Variants in INSYN1 observed in about 807,000 individuals in gnomAD.
INSYN1 encodes UPF0583 protein C15orf59.
INSYN1 carries 7 observed loss-of-function variants against 17.1 expected under a neutral mutation model. The observed-to-expected ratio is 0.41, with a 90% CI of 0.23 to 0.77. INSYN1 has a LOEUF of 0.77. Ranked by LOEUF, INSYN1 falls within the 30% of genes least tolerant of loss-of-function variation. The pLI, the probability that INSYN1 is intolerant of heterozygous loss-of-function variation, is 0.32. For missense variants in INSYN1, 339 were observed against 400.6 expected (o/e 0.85, Z 1.31); for synonymous variants, 174 against 166.3 (o/e 1.05, Z -0.36).
intron 2 of INSYN1, among the ~76,000 whole-genome samples, chr15:73,744,474 A>G (rs1215317406): frequency 2.6e-5 from 4 of 152,154 alleles, no homozygotes; most frequent in Admixed American, 2.6e-4. Flanking sequence ...AGGATGTGAA[A>G]GGGAAGCCAT....
rs1567038766 is a variant in INSYN1, at chr15:73,753,347, G to C, written c.-1805C>G. Among the ~76,000 whole-genome samples, 1 of 151,520 alleles carries C rather than the reference G, an allele frequency of 6.6e-6. No individual in the cohort carries two copies. On this transcript the variant is annotated 5_prime_UTR_variant, in exon 1 of 3. Transcript: ENST00000569673. The surrounding 1 kb of genome is among the most constrained non-coding windows in gnomAD (Gnocchi z 4.2). ...GCTTGCCTCGGCGCTGTCAGGGAAG[G>C]GGCCGGCCCGCCGCGCCGGGAGGGA...
intron 2 of INSYN1, among the ~76,000 whole-genome samples, chr15:73,748,691 A>C (rs1008650664): frequency 5.3e-5 from 8 of 152,130 alleles, no homozygotes; most frequent in African/African-American, 1.9e-4. Flanking sequence ...GGGGTCTGGC[A>C]CCCCCCCTTG....
chr15:73,740,750 T>A, intron 2 of INSYN1, 108 bp from the exon 3 acceptor site: 1 of 920,630 alleles, frequency 1.1e-6, no homozygotes, highest in Non-Finnish European at 1.7e-6. Flanking sequence ...CTGATGAGCG[T>A]ACTGGACAGG....
chr15:73,742,284 G>A (rs1217779065), intron 2 of INSYN1, among the ~76,000 whole-genome samples: 3 of 152,188 alleles, frequency 2.0e-5, no homozygotes, highest in Non-Finnish European at 4.4e-5. Flanking sequence ...TCTTTTGGAA[G>A]ATCACAGAAC....
intron 2 of INSYN1, among the ~76,000 whole-genome samples, chr15:73,748,235 T>C (rs1901887881): frequency 1.3e-5 from 2 of 152,202 alleles, no homozygotes; most frequent in African/African-American, 4.8e-5. Flanking sequence ...TCAGGCCATA[T>C]GCTCGAGAGG....
rs1288291647 is a variant in INSYN1, at chr15:73,739,037, C to T, written c.*880G>A. ...TGGGCTCCTTTCCAAGGCTGCCCAC[C>T]TGGTGAAGGTGGCCAGGAGCCTGTC... On this transcript the variant is annotated 3_prime_UTR_variant, in exon 3 of 3. Transcript: ENST00000569673. The T allele has an allele frequency of 6.6e-6, 1 of 152,296 alleles. No homozygotes were observed. The highest frequency in any genetic ancestry group is 2.4e-5 in the African/African-American group (1 of 41,454). The allele number at this position is 152,296 out of a possible 1,614,324, so 9.4% of individuals were successfully genotyped here.
chr15:73,750,301 C>G (rs1030793655), intron 2 of INSYN1, among the ~76,000 whole-genome samples: 3 of 152,230 alleles, frequency 2.0e-5, no homozygotes, highest in Non-Finnish European at 4.4e-5. Context: ...CAGCATTTCT[C>G]AGTGGCTTTT....
At chr15:73,742,582 C>T (rs1469938487) in intron 2 of INSYN1, among the ~76,000 whole-genome samples, 3 of 152,210 alleles carry the variant, frequency 2.0e-5, no homozygotes, top group Admixed American at 6.5e-5. Context: ...TGAGAATCTC[C>T]CCCTGCGGCC....
In INSYN1 at chr15:73,740,105, T is replaced by C; in HGVS notation, c.694A>G (p.Lys232Glu). The C allele has an allele frequency of 1.2e-6, 2 of 1,613,534 alleles. No individual in the cohort carries two copies. Among genetic ancestry groups the C allele is most frequent in the Non-Finnish European group, 1.7e-6 (2 of 1,179,852 alleles). ...AHTEAHAGPHKPSPAPYKSRR... is the reference protein window; with the variant it reads ...AHTEAHAGPHEPSPAPYKSRR... ...GACTTGTAGGGGGCTGGGGAGGGCT[T>C]GTGGGGGCCTGCATGGGCCTCTGTA... The change falls in exon 3 of 3, where the codon AAG (lysine) becomes GAG (glutamate). Residue 232 changes from lysine to glutamate, a missense_variant. Lys to Glu is a moderately conservative substitution (Grantham distance 56). Transcript: ENST00000569673.
chr15:73,739,380 G>C lies in INSYN1; in HGVS notation c.*537C>G, dbSNP rs1901613776. On this transcript the variant is annotated 3_prime_UTR_variant, in exon 3 of 3. Coordinates refer to ENST00000569673, the MANE Select transcript of INSYN1 (RefSeq NM_001039614.3). ...AGATGGAAGGGGGTGAGGCAGGACTGTGTATAGCCGAGTAAGTCTGCCTTG... is the reference window on the plus strand; with the variant it reads ...AGATGGAAGGGGGTGAGGCAGGACTCTGTATAGCCGAGTAAGTCTGCCTTG... The C allele has an allele frequency of 6.6e-6, 1 of 152,344 alleles. No homozygotes were observed. The highest frequency in any genetic ancestry group is 1.5e-5 in the Non-Finnish European group (1 of 68,106). 9.4% of individuals were successfully genotyped at this position (152,344 alleles called of 1,614,324 possible).
At chr15:73,741,607 A>G (rs1050743927) in intron 2 of INSYN1, among the ~76,000 whole-genome samples, 1 of 152,168 alleles carries the variant, frequency 6.6e-6, no homozygotes, top group African/African-American at 2.4e-5. Context: ...GGGATGGGAC[A>G]GGGCAAGAGA....
chr15:73,743,301 C>T (rs1305407173), intron 2 of INSYN1, among the ~76,000 whole-genome samples: 1 of 152,220 alleles, frequency 6.6e-6, no homozygotes, highest in Non-Finnish European at 1.5e-5. Context: ...CTGGAACACT[C>T]CCCCAACCCA....
chr15:73,736,261 T>C lies in INSYN1; in HGVS notation c.*3656A>G, dbSNP rs1394240160. ...GTGTTGAAAGTCAGAATTCTCTCTA[T>C]CCCTAGCTGGCCACATTTTGTGTTT... On this transcript the variant is annotated 3_prime_UTR_variant, in exon 3 of 3. Transcript: ENST00000569673. 1.3e-5 allele frequency: 2 copies of C among 152,278 alleles called. No individual in the cohort carries two copies. Among genetic ancestry groups the C allele is most frequent in the Non-Finnish European group, 2.9e-5 (2 of 68,100 alleles). The allele number at this position is 152,278 out of a possible 1,614,324, so 9.4% of individuals were successfully genotyped here. A position where few individuals can be genotyped will look rare whatever the true frequency, so the allele number is the denominator to read the frequency against.
rs530836083 is a variant in INSYN1 at position 73,735,697 on chromosome 15, T to C, written c.*4220A>G. The C allele has an allele frequency of 6.6e-6, 1 of 152,300 alleles. No individual in the cohort carries two copies. Among genetic ancestry groups the C allele is most frequent in the African/African-American group, 2.4e-5 (1 of 41,562 alleles). The allele number at this position is 152,300 out of a possible 1,614,324, so 9.4% of individuals were successfully genotyped here. ...CCAGGCATTTTAACTGCAGTGGATGTTTGCAGTAGATGATGCTAAGTCACT... is the reference window on the plus strand; with the variant it reads ...CCAGGCATTTTAACTGCAGTGGATGCTTGCAGTAGATGATGCTAAGTCACT... On this transcript the variant is annotated 3_prime_UTR_variant, in exon 3 of 3. Coordinates refer to ENST00000569673, the MANE Select transcript of INSYN1 (RefSeq NM_001039614.3).
Position 73,751,303 on chromosome 15 carries a change from C to T in INSYN1, c.-173G>A. ...CCCCTGCCCCCTGCCACCCAGCCTC[C>T]TCTGCCTCTGGGTGGAGAGTGGGAC... On this transcript the variant is annotated 5_prime_UTR_variant, in exon 2 of 3. Transcript: ENST00000569673. 1 of 669,966 alleles carries T rather than the reference C, an allele frequency of 1.5e-6. No individual in the cohort carries two copies. The highest frequency in any genetic ancestry group is 1.8e-5 in the South Asian group (1 of 54,378). The allele number at this position is 669,966 out of a possible 1,614,324, so 41.5% of individuals were successfully genotyped here.
At chr15:73,748,102 A>G (rs1401291995) in intron 2 of INSYN1, among the ~76,000 whole-genome samples, 2 of 152,176 alleles carry the variant, frequency 1.3e-5, no homozygotes, top group African/African-American at 2.4e-5. Flanking sequence ...CCAAGCCCCT[A>G]ATAAATCCTT....
At position 73,753,242 on chromosome 15, in the gene INSYN1, C is replaced by T. The variant is rs1902043609; in HGVS notation, c.-1700G>A. Among the ~76,000 whole-genome samples, 1 of 146,186 alleles carries T rather than the reference C, an allele frequency of 6.8e-6. No individual in the cohort carries two copies. The highest frequency in any genetic ancestry group is 1.5e-5 in the Non-Finnish European group (1 of 65,866). On this transcript the variant is annotated 5_prime_UTR_variant, in exon 1 of 3. Transcript: ENST00000569673. The surrounding 1 kb of genome is among the most constrained non-coding windows in gnomAD (Gnocchi z 4.2). ...CCGCCCGCGCCCCGGCCGCCCCCGG[C>T]CCGCCCCGCCGCCCCCCGCCGGACT...
chr15:73,740,409 C>A lies in INSYN1; in HGVS notation c.390G>T (p.Ser130=), dbSNP rs1393541639. The change falls in exon 3 of 3, where the codon TCG becomes TCT. Residue 130 remains serine, a synonymous_variant. Transcript: ENST00000569673. ...AGTCAGGGCCAGCCCCTGGCCGAGT[C>A]GACTCGGGACCATCCACGGAGTCCG... ...TPSDSVDGPE[S]TRPGAGPDYR... The A allele has an allele frequency of 6.2e-7, 1 of 1,610,738 alleles. No homozygotes were observed.
At chr15:73,741,651 A>G (rs1901694879) in intron 2 of INSYN1, among the ~76,000 whole-genome samples, 1 of 152,236 alleles carries the variant, frequency 6.6e-6, no homozygotes. Context: ...AAAACAAAAC[A>G]GAAAAACAAT....
Sources: gnomAD v4.1 joint callset for allele counts (sites outside exome capture counted in the v4.1 genomes callset) on GRCh38, gnomAD v4.1.1 for gene constraint, Gnocchi (gnomAD v3.1) non-coding constraint, MANE v1.5 for transcripts, NCBI Gene and HGNC (gene_info 2026-07-23, HGNC 2026-07-21) for gene names.